SLC25A48: variants seen among roughly 807,000 people sequenced by gnomAD.
SLC25A48 encodes the protein solute carrier family 25 member 48, also known as CTC-321K16.1.
Under a neutral mutation model 32.2 loss-of-function variants are expected in SLC25A48, and 29 were observed. That is an observed-to-expected ratio of 0.90 (90% CI 0.67 to 1.23). SLC25A48 has a LOEUF of 1.23. Ranked by LOEUF, SLC25A48 falls within the 50% of genes most tolerant of loss-of-function variation. The probability of loss-of-function intolerance (pLI) is 0.00; values close to 1 mark genes in which losing one functional copy is unlikely to be tolerated. For missense variants in SLC25A48, 399 were observed against 422.7 expected (o/e 0.94, Z 0.49); for synonymous variants, 164 against 172.3 (o/e 0.95, Z 0.38).
chr5:135,668,143 GT>G (rs1249851522), intron 3 of SLC25A48, among the ~76,000 whole-genome samples: 1 of 152,164 alleles, frequency 6.6e-6, no homozygotes, highest in African/African-American at 2.4e-5. Context: ...ATGAATGGTG[GT>G]TGGGTTAATT....
At chr5:135,759,643 C>T (rs1449516389) in intron 3 of SLC25A48, among the ~76,000 whole-genome samples, 1 of 152,006 alleles carries the variant, frequency 6.6e-6, no homozygotes, top group Non-Finnish European at 1.5e-5. Context: ...CCAATAGGGC[C>T]CTTGGTCCTC....
chr5:135,691,227 A>G lies in SLC25A48; in HGVS notation c.-521+56271A>G, dbSNP rs138894118. ...CTCCCAGGGTTAAAAGGTTGGATCC[A>G]GTGGAAACAAGAGTCATAAATTTTA... is the stretch of plus-strand genomic sequence containing the variant. On this transcript the variant is annotated intron_variant, in intron 3 of 10. Transcript: ENST00000646290. Among the ~76,000 whole-genome samples, 117 of 152,352 alleles carry G rather than the reference A, an allele frequency of 7.7e-4. 2 individuals carry two copies. In the East Asian group the frequency reaches 0.02, roughly 26 times the overall value.
intron 3 of SLC25A48, among the ~76,000 whole-genome samples, chr5:135,766,553 G>T (rs1756237007): frequency 6.6e-6 from 1 of 151,296 alleles, no homozygotes; most frequent in African/African-American, 2.4e-5. Flanking sequence ...CTGTTATATG[G>T]TTCATAATAT....
chr5:135,587,020 G>A (rs1158921248), intron 1 of SLC25A48, among the ~76,000 whole-genome samples: 2 of 152,106 alleles, frequency 1.3e-5, no homozygotes, highest in African/African-American at 4.8e-5. Flanking sequence ...TCAGGGCATT[G>A]TATTTTTTTT....
intron 3 of SLC25A48, among the ~76,000 whole-genome samples, chr5:135,772,259 A>AG (rs1756432570): frequency 6.6e-6 from 1 of 150,842 alleles, no homozygotes; most frequent in African/African-American, 2.4e-5. Flanking sequence ...TGTAATATCA[A>AG]GGGGGGAGAG....
chr5:135,622,024 A>G (rs1341178096), intron 1 of SLC25A48, among the ~76,000 whole-genome samples: 1 of 152,238 alleles, frequency 6.6e-6, no homozygotes, highest in African/African-American at 2.4e-5. Flanking sequence ...AAAAGGGCAA[A>G]GGACATAAAT....
Position 135,888,036 on chromosome 5 carries a change from T to G in SLC25A48, c.*12T>G, listed in dbSNP as rs1325622863. On this transcript the variant is annotated 3_prime_UTR_variant, in exon 8 of 8. Transcript: ENST00000681962. Reference sequence around the variant, plus strand: ...TGGGTTGTTTGCTGTTTCCAGGAGGTGAACACAGGATGACTACAGTGTTCC... The same window carrying G: ...TGGGTTGTTTGCTGTTTCCAGGAGGGGAACACAGGATGACTACAGTGTTCC... The G allele has an allele frequency of 6.4e-6, 10 of 1,551,492 alleles. No homozygotes were observed. The highest frequency in any genetic ancestry group is 8.7e-6 in the Non-Finnish European group (10 of 1,146,678).
intron 4 of SLC25A48, among the ~76,000 whole-genome samples, chr5:135,815,838 T>C (rs1470879910): frequency 6.6e-6 from 1 of 152,228 alleles, no homozygotes; most frequent in Non-Finnish European, 1.5e-5. Flanking sequence ...AACAGACTCA[T>C]ATTTTTATTT....
intron 3 of SLC25A48, among the ~76,000 whole-genome samples, chr5:135,697,413 G>A (rs1414850968): frequency 6.6e-6 from 1 of 152,186 alleles, no homozygotes; most frequent in Non-Finnish European, 1.5e-5. Flanking sequence ...ACACAGGGTG[G>A]TCACAGCTCC....
chr5:135,649,248 T>TAAGAATAATTTA (rs1753045061), intron 3 of SLC25A48: 1 of 151,936 alleles, frequency 6.6e-6, no homozygotes, highest in Non-Finnish European at 1.5e-5. Context: ...TATTTTAGGG[T>TAAGAATAATTTA]GGAAAAGAGT....
At chr5:135,660,514 G>A (rs547162015) in intron 3 of SLC25A48, among the ~76,000 whole-genome samples, 10 of 152,294 alleles carry the variant, frequency 6.6e-5, no homozygotes, top group Non-Finnish European at 8.8e-5. Flanking sequence ...TACAAGGTCA[G>A]CATCATAGTG....
At chr5:135,835,325 G>A (rs897475956) in intron 1 of SLC25A48, among the ~76,000 whole-genome samples, 8 of 151,988 alleles carry the variant, frequency 5.3e-5, no homozygotes, top group East Asian at 1.9e-4. Context: ...GCCAGGCTTC[G>A]AGATTAGGCC....
intron 3 of SLC25A48, among the ~76,000 whole-genome samples, chr5:135,774,931 G>A (rs1426515174): frequency 1.3e-5 from 2 of 151,624 alleles, no homozygotes; most frequent in African/African-American, 4.8e-5. Flanking sequence ...TTCCAGATGG[G>A]AAGAGGATGA....
intron 1 of SLC25A48, among the ~76,000 whole-genome samples, chr5:135,591,395 C>T (rs1240414926): frequency 1.3e-5 from 2 of 152,192 alleles, no homozygotes; most frequent in Non-Finnish European, 2.9e-5. Flanking sequence ...GGGGATGGTC[C>T]TTCTGTGCCA....
intron 5 of SLC25A48, among the ~76,000 whole-genome samples, chr5:135,873,529 G>A (rs1210942686): frequency 6.6e-6 from 1 of 152,180 alleles, no homozygotes; most frequent in East Asian, 1.9e-4. Flanking sequence ...GCCTGTGTTT[G>A]TTTAGCTTCT....
intron 3 of SLC25A48, among the ~76,000 whole-genome samples, chr5:135,743,945 T>C (rs763913117): frequency 6.6e-6 from 1 of 152,228 alleles, no homozygotes; most frequent in Non-Finnish European, 1.5e-5. Flanking sequence ...AAATGTCACA[T>C]TGATGATGTC....
chr5:135,717,591 A>C (rs1352507091), intron 3 of SLC25A48, among the ~76,000 whole-genome samples: 2 of 152,186 alleles, frequency 1.3e-5, no homozygotes, highest in Non-Finnish European at 2.9e-5. Context: ...TTATTAGAGA[A>C]AGGAGAGGGA....
intron 3 of SLC25A48, among the ~76,000 whole-genome samples, 164 bp downstream of exon 3, chr5:135,850,660 T>C (rs537573551): frequency 6.6e-6 from 1 of 152,182 alleles, no homozygotes; most frequent in South Asian, 2.1e-4. Flanking sequence ...TCAAATATTA[T>C]GTGTTACCTA....
chr5:135,738,750 A>G (rs942266450), intron 3 of SLC25A48, among the ~76,000 whole-genome samples: 2 of 152,176 alleles, frequency 1.3e-5, no homozygotes, highest in Non-Finnish European at 2.9e-5. Flanking sequence ...TGACTTTGTA[A>G]TGATAGTTTG....
Sources: allele counts gnomAD v4.1 joint callset (sites outside exome capture counted in the v4.1 genomes callset), GRCh38; gene constraint gnomAD v4.1.1; transcripts MANE v1.5; gene names NCBI Gene and HGNC (gene_info 2026-07-23, HGNC 2026-07-21).